The following PKHD1 variants were observed in gnomAD, a reference collection of about 807,000 sequenced individuals.
PKHD1 encodes fibrocystin.
In PKHD1, 291 loss-of-function variants were observed where a neutral mutation model predicts 412.0. The ratio of observed to expected loss-of-function variants is 0.71; its 90% CI spans 0.64 to 0.78. PKHD1 has a LOEUF of 0.78. Among genes scored for constraint, PKHD1 ranks in the 30% least tolerant of loss-of-function variants. The pLI, the probability that PKHD1 is intolerant of heterozygous loss-of-function variation, is 0.00. For missense variants in PKHD1, 4,825 were observed against 4,950.7 expected (o/e 0.97, Z 0.76); for synonymous variants, 1,777 against 1,821.5 (o/e 0.98, Z 0.62).
intron 49 of PKHD1, among the ~76,000 whole-genome samples, chr6:51,851,768 T>C (rs1772294845): frequency 6.6e-6 from 1 of 152,176 alleles, no homozygotes; most frequent in Non-Finnish European, 1.5e-5. Context: ...CTTTTATCAT[T>C]TTTTATTGTT....
intron 52 of PKHD1, among the ~76,000 whole-genome samples, chr6:51,797,810 G>T (rs914600329): frequency 6.6e-6 from 1 of 152,134 alleles, no homozygotes; most frequent in Non-Finnish European, 1.5e-5. Flanking sequence ...TATATTTAAT[G>T]CTAGTATTGA....
chr6:52,029,787 C>T (rs1802765858), intron 29 of PKHD1, among the ~76,000 whole-genome samples: 1 of 152,162 alleles, frequency 6.6e-6, no homozygotes, highest in Non-Finnish European at 1.5e-5. Context: ...TGATGGTAGT[C>T]CTAGGGCCAA....
At chr6:51,881,885 A>G (rs552223261) in intron 46 of PKHD1, among the ~76,000 whole-genome samples, 1 of 152,194 alleles carries the variant, frequency 6.6e-6, no homozygotes, top group Non-Finnish European at 1.5e-5. Context: ...GCACTTACTT[A>G]AGAGACTGAA....
intron 60 of PKHD1, among the ~76,000 whole-genome samples, chr6:51,662,876 G>A (rs1214411971): frequency 6.6e-6 from 1 of 151,940 alleles, no homozygotes; most frequent in Non-Finnish European, 1.5e-5. Flanking sequence ...ACTGTTCTAT[G>A]TCTCTTAATG....
At position 52,034,995 on chromosome 6, in the gene PKHD1, G is replaced by A. The variant is rs79400658; in HGVS notation, c.3228+596C>T. Among the ~76,000 whole-genome samples the A allele has an allele frequency of 5.5e-4, 83 of 152,236 alleles. 1 individual carries two copies. In the East Asian group the frequency reaches 0.011, roughly 19 times the overall value. ...ATAGAAAGTTCAGTGGCAGCAGTGC[G>A]TGTGACTCTCCCCAACAGTACCAGG... On this transcript the variant is annotated intron_variant, in intron 28 of 66. Coordinates refer to ENST00000371117, the MANE Select transcript of PKHD1 (RefSeq NM_138694.4).
intron 64 of PKHD1, among the ~76,000 whole-genome samples, chr6:51,637,476 C>T (rs559812671): frequency 2.2e-4 from 34 of 152,104 alleles, no homozygotes; most frequent in South Asian, 1.0e-3. Context: ...CACTTGTCGA[C>T]AGGTTATTTA....
At chr6:51,873,175 G>T (rs1776270145) in intron 46 of PKHD1, among the ~76,000 whole-genome samples, 1 of 150,688 alleles carries the variant, frequency 6.6e-6, no homozygotes. Flanking sequence ...AGAAATGCAT[G>T]CACATGAAGA....
chr6:52,059,264 T>TC (rs1196128716), intron 15 of PKHD1, among the ~76,000 whole-genome samples: 9 of 130,650 alleles, frequency 6.9e-5, no homozygotes, highest in Non-Finnish European at 1.5e-4. Flanking sequence ...TTTTTCTTTT[T>TC]TTTTTTTTTT....
rs1160944128 is a variant in PKHD1, at chr6:51,863,356, T to C, written c.7733+4507A>G. On this transcript the variant is annotated intron_variant, in intron 48 of 66. Coordinates refer to ENST00000371117, the MANE Select transcript of PKHD1 (RefSeq NM_138694.4). The stretch of plus-strand genomic sequence containing the variant: ...CTCTTCTAATCTCCCTCACACTCAA[T>C]ACAGTCAAAAATTCGAAGACAGAAT... 3.3e-5 allele frequency among the ~76,000 whole-genome samples: 5 copies of C among 152,272 alleles called. No individual in the cohort carries two copies. In the East Asian group the frequency reaches 7.7e-4, roughly 24 times the overall value.
chr6:52,000,045 T>C (rs1296969077), intron 35 of PKHD1, among the ~76,000 whole-genome samples: 1 of 152,186 alleles, frequency 6.6e-6, no homozygotes, highest in Non-Finnish European at 1.5e-5. Flanking sequence ...CTACTATGCA[T>C]TCAAGAAATG....
intron 23 of PKHD1, among the ~76,000 whole-genome samples, chr6:52,048,279 C>A (rs970051496): frequency 1.3e-5 from 2 of 152,222 alleles, no homozygotes; most frequent in Admixed American, 1.3e-4. Context: ...TATACATCTT[C>A]CGCATCTACA....
intron 35 of PKHD1, among the ~76,000 whole-genome samples, chr6:51,986,479 G>A (rs1796231253): frequency 6.6e-6 from 1 of 152,160 alleles, no homozygotes; most frequent in South Asian, 2.1e-4. Context: ...GCAAAGGAAG[G>A]GACGAAATAC....
At chr6:52,008,213 G>A (rs1017198771) in intron 35 of PKHD1, among the ~76,000 whole-genome samples, 2 of 152,148 alleles carry the variant, frequency 1.3e-5, no homozygotes, top group Non-Finnish European at 2.9e-5. Context: ...TGGGTTATGA[G>A]GCCAGATAAC....
intron 52 of PKHD1, among the ~76,000 whole-genome samples, chr6:51,822,523 C>A (rs1766614983): frequency 6.6e-6 from 1 of 152,150 alleles, no homozygotes; most frequent in Non-Finnish European, 1.5e-5. Context: ...TCTACCCAAT[C>A]CTTATATCTC....
intron 60 of PKHD1, among the ~76,000 whole-genome samples, chr6:51,694,131 C>T (rs1778495412): frequency 6.6e-6 from 1 of 152,112 alleles, no homozygotes. Context: ...AATATTCTTG[C>T]TGTTATGATG....
chr6:51,666,387 CAAT>C (rs1294117866), intron 60 of PKHD1, among the ~76,000 whole-genome samples: 2 of 152,046 alleles, frequency 1.3e-5, no homozygotes, highest in South Asian at 2.1e-4. Context: ...CATATAACAA[CAAT>C]GTTGTAATAT....
At chr6:51,976,025 T>G (rs1289954918) in intron 35 of PKHD1, 1 of 137,848 alleles carries the variant, frequency 7.3e-6, no homozygotes, top group East Asian at 2.1e-4. Flanking sequence ...GTTGAGAAAT[T>G]AGAAATTAGA....
At position 51,793,157 on chromosome 6, in the gene PKHD1, A is replaced by T. The variant is rs577251715; in HGVS notation, c.8303-1784T>A. 4.2e-3 allele frequency among the ~76,000 whole-genome samples: 643 copies of T among 152,312 alleles called. 4 individuals are homozygous for T. The highest frequency in any genetic ancestry group is 0.012 in the African/African-American group (497 of 41,564). On this transcript the variant is annotated intron_variant, in intron 52 of 66. Coordinates refer to ENST00000371117, the MANE Select transcript of PKHD1 (RefSeq NM_138694.4). ...CTGGTACAAAATGAATGATCAAGCTAAACAGACAAAAATAAATATATATCT... is the reference window on the plus strand; with the variant it reads ...CTGGTACAAAATGAATGATCAAGCTTAACAGACAAAAATAAATATATATCT...
intron 33 of PKHD1, among the ~76,000 whole-genome samples, chr6:52,021,954 A>G (rs1176562738): frequency 6.6e-6 from 1 of 152,216 alleles, no homozygotes; most frequent in Non-Finnish European, 1.5e-5. Flanking sequence ...CACTACACAG[A>G]AAGGAGGTAT....
Sources: allele counts gnomAD v4.1 joint callset (sites outside exome capture counted in the v4.1 genomes callset), GRCh38; gene constraint gnomAD v4.1.1; transcripts MANE v1.5; gene names NCBI Gene and HGNC (gene_info 2026-07-23, HGNC 2026-07-21).